The following EYA1 variants were observed in gnomAD, a reference collection of about 807,000 sequenced individuals.
EYA1 encodes the protein protein phosphatase EYA1.
EYA1 carries 16 observed loss-of-function variants against 82.0 expected under a neutral mutation model. That is an observed-to-expected ratio of 0.20 (90% CI 0.13 to 0.30). EYA1 has a LOEUF of 0.30. Among genes scored for constraint, EYA1 ranks in the 10% least tolerant of loss-of-function variants. The pLI, the probability that EYA1 is intolerant of heterozygous loss-of-function variation, is 1.00. For synonymous variants in EYA1, 261 were observed against 264.4 expected, an observed-to-expected ratio of 0.99 and a Z score of 0.12; for missense variants, 633 against 730.7, an observed-to-expected ratio of 0.87 and a Z score of 1.54.
intron 1 of EYA1, among the ~76,000 whole-genome samples, chr8:71,541,507 A>C (rs547309767): frequency 5.7e-4 from 87 of 152,368 alleles, no homozygotes; most frequent in African/African-American, 1.9e-3. Flanking sequence ...GAATGATGAC[A>C]TGCTTATTTG....
chr8:71,427,733 G>A (rs1805333335), intron 2 of EYA1, among the ~76,000 whole-genome samples: 1 of 152,148 alleles, frequency 6.6e-6, no homozygotes, highest in African/African-American at 2.4e-5. Context: ...TAGAGATGGA[G>A]CAGTAGGCCA....
intron 4 of EYA1, among the ~76,000 whole-genome samples, chr8:71,330,469 C>T (rs1341319066): frequency 6.6e-6 from 1 of 152,158 alleles, no homozygotes; most frequent in African/African-American, 2.4e-5. Flanking sequence ...TCCTAAATGC[C>T]ATCCCTCTCT....
intron 11 of EYA1, among the ~76,000 whole-genome samples, chr8:71,260,548 T>C (rs1814972152): frequency 6.6e-6 from 1 of 152,226 alleles, no homozygotes; most frequent in Non-Finnish European, 1.5e-5. Context: ...ATATATTATC[T>C]TTAAAAAAGT....
Position 71,301,731 on chromosome 8 carries a change from T to C in EYA1, c.557-2011A>G, listed in dbSNP as rs186667741. 1.5e-4 allele frequency among the ~76,000 whole-genome samples: 23 copies of C among 152,300 alleles called. No homozygotes were observed. In the East Asian group the frequency reaches 2.9e-3, roughly 19 times the overall value. The stretch of plus-strand genomic sequence containing the variant: ...AGGCAGAGAGCTCTCACAGTGCTAG[T>C]AGCCACCACAATTAGCCATCAATAG... On this transcript the variant is annotated intron_variant, in intron 7 of 17. Coordinates refer to ENST00000340726, the MANE Select transcript of EYA1 (RefSeq NM_000503.6).
chr8:71,337,839 G>C (rs1345544767), intron 3 of EYA1, among the ~76,000 whole-genome samples: 1 of 152,148 alleles, frequency 6.6e-6, no homozygotes, highest in East Asian at 1.9e-4. Flanking sequence ...ACAGTTAAAA[G>C]CACCAGCTTT....
intron 2 of EYA1, among the ~76,000 whole-genome samples, chr8:71,421,894 G>C (rs1233349508): frequency 1.3e-5 from 2 of 152,180 alleles, no homozygotes; most frequent in African/African-American, 4.8e-5. Context: ...CAAAGGGAGG[G>C]GGACAGGTTG....
At chr8:71,330,069 A>G (rs1586396885) in intron 4 of EYA1, among the ~76,000 whole-genome samples, 1 of 152,296 alleles carries the variant, frequency 6.6e-6, no homozygotes, top group South Asian at 2.1e-4. Context: ...CATGGGAGGA[A>G]GAACAGTAAG....
At chr8:71,233,294 G>C (rs913454562) in intron 12 of EYA1, among the ~76,000 whole-genome samples, 2 of 152,038 alleles carry the variant, frequency 1.3e-5, no homozygotes, top group Non-Finnish European at 1.5e-5. Context: ...GCCGGGTGCG[G>C]TGGCTCATGC....
chr8:71,326,938 C>T (rs935494545), intron 4 of EYA1, among the ~76,000 whole-genome samples: 1 of 152,186 alleles, frequency 6.6e-6, no homozygotes, highest in Admixed American at 6.5e-5. Flanking sequence ...CAACCCCAAG[C>T]CCTCCATTAT....
At position 71,361,948 on chromosome 8, in the gene EYA1, G is replaced by A; in HGVS notation, c.-356C>T. The A allele has an allele frequency of 1.0e-6, 1 of 985,448 alleles. No homozygotes were observed. The highest frequency in any genetic ancestry group is 1.2e-6 in the Non-Finnish European group (1 of 829,966). The allele number at this position is 985,448 out of a possible 1,614,324, so 61.0% of individuals were successfully genotyped here. ...ACAGGAAGGCTTAAAGTCGGAAGTG[G>A]CACTGGAGAGTTTCTACCTCGCCCC... On this transcript the variant is annotated 5_prime_UTR_variant, in exon 1 of 18. Coordinates refer to ENST00000340726, the MANE Select transcript of EYA1 (RefSeq NM_000503.6).
rs529352603 is a variant in EYA1 at position 71,318,546 on chromosome 8, T to C, written c.419-857A>G. ...GGACTTGGATTTGGCAGCACTGAGGTATGGGGCTCAGCTCTGTCTTTAATT... is the reference window on the plus strand; with the variant it reads ...GGACTTGGATTTGGCAGCACTGAGGCATGGGGCTCAGCTCTGTCTTTAATT... On this transcript the variant is annotated intron_variant, in intron 6 of 17. Coordinates refer to ENST00000340726, the MANE Select transcript of EYA1 (RefSeq NM_000503.6). 7.6e-4 allele frequency among the ~76,000 whole-genome samples: 116 copies of C among 152,268 alleles called. 1 individual carries two copies. Among genetic ancestry groups the C allele is most frequent in the African/African-American group, 2.7e-3 (113 of 41,546 alleles).
At chr8:71,345,113 T>TA in intron 3 of EYA1, among the ~76,000 whole-genome samples, 1 of 152,296 alleles carries the variant, frequency 6.6e-6, no homozygotes, top group Non-Finnish European at 1.5e-5. Flanking sequence ...TGTTTCTTTT[T>TA]AAAAATATAA....
At chr8:71,505,130 G>C (rs1443444701) in intron 2 of EYA1, among the ~76,000 whole-genome samples, 5 of 152,160 alleles carry the variant, frequency 3.3e-5, no homozygotes, top group African/African-American at 1.2e-4. Context: ...TGCCACAAGT[G>C]GAGCCAAAAT....
intron 3 of EYA1, among the ~76,000 whole-genome samples, chr8:71,338,930 T>C (rs1264622686): frequency 6.6e-6 from 1 of 152,214 alleles, no homozygotes. Context: ...ATCTTCCTTT[T>C]AGTTTTGTTT....
rs1389015599 is a variant in EYA1, at chr8:71,198,191, T to TATCA, written c.*1145_*1148dup. 2.0e-5 allele frequency: 3 copies of TATCA among 152,662 alleles called. No homozygotes were observed. Among genetic ancestry groups the TATCA allele is most frequent in the Admixed American group, 2.0e-4 (3 of 15,284 alleles). 9.5% of individuals were successfully genotyped at this position (152,662 alleles called of 1,614,324 possible). On this transcript the variant is annotated 3_prime_UTR_variant, in exon 18 of 18. Coordinates refer to ENST00000340726, the MANE Select transcript of EYA1 (RefSeq NM_000503.6). ...CATTTTATTAATAAAATATATCTAC[T>TATCA]ATCATCTATATTCTTTGTGGGAAGA...
intron 11 of EYA1, among the ~76,000 whole-genome samples, chr8:71,245,565 A>G (rs567038039): frequency 3.2e-4 from 48 of 151,216 alleles, no homozygotes; most frequent in Admixed American, 1.1e-3. Context: ...ATCAGCTAAC[A>G]TTAGTGTTAG....
chr8:71,347,312 T>TTTTA (rs151215046), intron 3 of EYA1, among the ~76,000 whole-genome samples: 7,086 of 151,782 alleles, frequency 0.047, 244 homozygotes, highest in South Asian at 0.063. Context: ...CTAAAGATTG[T>TTTTA]TTTATTTATT....
chr8:71,377,310 G>A (rs1828431330), intron 2 of EYA1, among the ~76,000 whole-genome samples: 2 of 152,104 alleles, frequency 1.3e-5, no homozygotes, highest in South Asian at 4.1e-4. Flanking sequence ...AGCCATATTG[G>A]ACATTCTAGC....
At chr8:71,305,707 AT>A (rs200331117) in intron 7 of EYA1, among the ~76,000 whole-genome samples, 3,051 of 149,490 alleles carry the variant, frequency 0.02, 50 homozygotes, top group East Asian at 0.046. Flanking sequence ...GGTTATTATT[AT>A]TTTTTTTTTG....
Sources: allele counts gnomAD v4.1 joint callset (sites outside exome capture counted in the v4.1 genomes callset), GRCh38; gene constraint gnomAD v4.1.1; transcripts MANE v1.5; gene names NCBI Gene and HGNC (gene_info 2026-07-23, HGNC 2026-07-21).